The following VAX2 variants were observed in gnomAD, a reference collection of about 807,000 sequenced individuals.
VAX2 encodes ventral anterior homeobox 2.
A neutral mutation model predicts 12.5 loss-of-function variants in VAX2; 8 were observed. The observed-to-expected ratio is 0.64, with a 90% confidence interval of 0.37 to 1.15. The LOEUF (loss-of-function observed/expected upper bound fraction) is 1.15. VAX2 is among the 50% of genes most tolerant of loss of function. The pLI, the probability that VAX2 is intolerant of heterozygous loss-of-function variation, is 0.01. For missense variants in VAX2, 476 were observed against 412.9 expected (o/e 1.15, Z -1.32); for synonymous variants, 183 against 187.6 (o/e 0.98, Z 0.20).
rs1678906286 is a variant in VAX2 at position 70,900,845 on chromosome 2, A to G, written c.224A>G (p.His75Arg). 2 of 1,445,592 alleles carry G rather than the reference A, an allele frequency of 1.4e-6. No individual in the cohort carries two copies. The highest frequency in any genetic ancestry group is 1.8e-6 in the Non-Finnish European group (2 of 1,097,146). 89.5% of individuals were successfully genotyped at this position (1,445,592 alleles called of 1,614,324 possible). A position where few individuals can be genotyped will look rare whatever the true frequency, so the allele number is the denominator to read the frequency against. ...DGQPGPGEAD[H>R]CRRILVRDAK... Reference sequence around the variant, plus strand: ...CAGCCCGGGCCCGGCGAGGCAGACCACTGCCGCCGCATACTGGTGCGAGGT... The same window carrying G: ...CAGCCCGGGCCCGGCGAGGCAGACCGCTGCCGCCGCATACTGGTGCGAGGT... The change falls in exon 1 of 3, where the codon CAC becomes CGC. Residue 75 changes from histidine to arginine, a missense_variant. Transcript: ENST00000234392.
chr2:70,919,231 A>G (rs1679391861), intron 1 of VAX2, among the ~76,000 whole-genome samples: 1 of 113,592 alleles, frequency 8.8e-6, no homozygotes, highest in Admixed American at 9.2e-5. Flanking sequence ...GTGTCTCCAC[A>G]AAAAAAAAAA....
chr2:70,920,898 AC>A (rs1392575250), intron 1 of VAX2, among the ~76,000 whole-genome samples, 199 bp from the exon 2 acceptor site: 1 of 152,024 alleles, frequency 6.6e-6, no homozygotes, highest in Non-Finnish European at 1.5e-5. Context: ...ACATTTAGCC[AC>A]CCATTAGATA....
chr2:70,906,328 GC>G (rs782157102), intron 1 of VAX2, among the ~76,000 whole-genome samples: 3 of 152,098 alleles, frequency 2.0e-5, no homozygotes, highest in Non-Finnish European at 2.9e-5. Flanking sequence ...AGAGGTAGCA[GC>G]CCCAGGCTTG....
At chr2:70,906,693 T>C (rs1553410636) in intron 1 of VAX2, among the ~76,000 whole-genome samples, 1 of 152,004 alleles carries the variant, frequency 6.6e-6, no homozygotes, top group East Asian at 1.9e-4. Context: ...GCGCGTTTCT[T>C]GTTCTTTAAC....
At chr2:70,927,989 T>A (rs1277158160) in intron 2 of VAX2, among the ~76,000 whole-genome samples, 1 of 152,112 alleles carries the variant, frequency 6.6e-6, no homozygotes, top group Admixed American at 6.5e-5. Flanking sequence ...CCCTGTGAAG[T>A]CGGCTAGGAA....
intron 2 of VAX2, among the ~76,000 whole-genome samples, chr2:70,932,060 C>T (rs1553414383): frequency 6.6e-6 from 1 of 152,218 alleles, no homozygotes; most frequent in Non-Finnish European, 1.5e-5. Flanking sequence ...GGGCTTAAAG[C>T]TCCCCAGGTT....
At chr2:70,901,070 C>T (rs1558650829) in intron 1 of VAX2, among the ~76,000 whole-genome samples, 1 of 152,246 alleles carries the variant, frequency 6.6e-6, no homozygotes, top group Non-Finnish European at 1.5e-5. Flanking sequence ...GCGAATGGGA[C>T]CGAAGCGGTC....
Position 70,932,826 on chromosome 2 carries a change from G to A in VAX2, c.495G>A (p.Leu165=), listed in dbSNP as rs782326829. ...TKQKKDQSRD[L]EKRASSSASE... ...AGAAGAAAGACCAGAGCAGAGACCT[G>A]GAGAAGCGGGCGTCCTCCTCAGCCT... The change falls in exon 3 of 3, where the codon CTG becomes CTA. Residue 165 remains leucine (L), a synonymous_variant. Coordinates refer to ENST00000234392, the MANE Select transcript of VAX2 (RefSeq NM_012476.3). 28 of 1,611,646 alleles carry A rather than the reference G, an allele frequency of 1.7e-5. No individual in the cohort carries two copies. Among genetic ancestry groups the A allele is most frequent in the Non-Finnish European group, 2.3e-5 (27 of 1,179,116 alleles).
chr2:70,906,027 G>C (rs1218758207), intron 1 of VAX2, among the ~76,000 whole-genome samples: 7 of 152,158 alleles, frequency 4.6e-5, no homozygotes, highest in Non-Finnish European at 8.8e-5. Context: ...TTTGCTCCTT[G>C]CTTAATATAA....
chr2:70,900,605 T>G lies in VAX2; in HGVS notation c.-17T>G. On this transcript the variant is annotated 5_prime_UTR_variant, in exon 1 of 3. Transcript: ENST00000234392. ...TAGGCTGGCTCCGCCGTAGAGGGGT[T>G]GGCAGTGGCGGTCAGCATGGGCGAT... The G allele has an allele frequency of 7.9e-7, 1 of 1,257,958 alleles. No homozygotes were observed. Among genetic ancestry groups the G allele is most frequent in the Non-Finnish European group, 1.0e-6 (1 of 1,001,698 alleles). The allele number at this position is 1,257,958 out of a possible 1,614,324, so 77.9% of individuals were successfully genotyped here.
chr2:70,930,863 C>T (rs1025685376), intron 2 of VAX2, among the ~76,000 whole-genome samples: 3 of 152,092 alleles, frequency 2.0e-5, no homozygotes, highest in African/African-American at 2.4e-5. Context: ...CTCCCCTCCA[C>T]GGTTCTCACC....
chr2:70,911,097 C>T (rs1679172023), intron 1 of VAX2, among the ~76,000 whole-genome samples: 1 of 152,138 alleles, frequency 6.6e-6, no homozygotes, highest in South Asian at 2.1e-4. Flanking sequence ...TCGGTTTCCA[C>T]TCCTCAGAGG....
At position 70,904,132 on chromosome 2, in the gene VAX2, C is replaced by G. The variant is rs553239804; in HGVS notation, c.247+3264C>G. On this transcript the variant is annotated intron_variant, in intron 1 of 2. Coordinates refer to ENST00000234392, the MANE Select transcript of VAX2 (RefSeq NM_012476.3). This position sits in a 1 kb window ranked among gnomAD's most constrained non-coding sequence, Gnocchi z 4.2. ...GACGCAGCGATCCTCCCATTTGTAC[C>G]CTAAGGCCTGAGAAGGCCGCTCCAC... Among the ~76,000 whole-genome samples, 6 of 152,374 alleles carry G rather than the reference C, an allele frequency of 3.9e-5. No homozygotes were observed. In the East Asian group the frequency reaches 7.7e-4, roughly 20 times the overall value.
intron 1 of VAX2, among the ~76,000 whole-genome samples, chr2:70,913,887 A>G (rs909637626): frequency 1.3e-5 from 2 of 152,186 alleles, no homozygotes; most frequent in Non-Finnish European, 2.9e-5. Flanking sequence ...GTTTTAATCT[A>G]CATAAATGAG....
chr2:70,924,721 T>C (rs1270034160), intron 2 of VAX2, among the ~76,000 whole-genome samples: 1 of 152,104 alleles, frequency 6.6e-6, no homozygotes, highest in African/African-American at 2.4e-5. Context: ...ACCCATAATT[T>C]TGTTCAAAAA....
At chr2:70,931,435 T>G (rs1679691473) in intron 2 of VAX2, among the ~76,000 whole-genome samples, 1 of 152,162 alleles carries the variant, frequency 6.6e-6, no homozygotes, top group Admixed American at 6.5e-5. Context: ...TGCTAAAAAC[T>G]TCAAACCGGG....
At chr2:70,916,799 T>G (rs2104771050) in intron 1 of VAX2, among the ~76,000 whole-genome samples, 1 of 152,296 alleles carries the variant, frequency 6.6e-6, no homozygotes. Flanking sequence ...ATTAGGGGGC[T>G]ATTACAAATA....
chr2:70,909,822 G>A (rs1344146632), intron 1 of VAX2, among the ~76,000 whole-genome samples: 1 of 152,018 alleles, frequency 6.6e-6, no homozygotes, highest in Non-Finnish European at 1.5e-5. Context: ...TATTTAGGTT[G>A]GTTGTACTTT....
At position 70,900,736 on chromosome 2, in the gene VAX2, G is replaced by A. The variant is rs782357944; in HGVS notation, c.115G>A (p.Gly39Ser). ...AGCGGGGGACTTGCGAGCTGATGGC[G>A]GTGGCCACAGCCCAACGGAGGTGGC... The part of the protein sequence containing the change: ...SGAGDLRADG[G>S]GHSPTEVAGT... The change falls in exon 1 of 3, where the codon GGT becomes AGT. Residue 39 changes from glycine to serine, a missense_variant. Coordinates refer to ENST00000234392, the MANE Select transcript of VAX2 (RefSeq NM_012476.3). 46 of 1,430,738 alleles carry A rather than the reference G, an allele frequency of 3.2e-5. No homozygotes were observed. Among genetic ancestry groups the A allele is most frequent in the Non-Finnish European group, 4.1e-5 (44 of 1,086,246 alleles). 88.6% of individuals were successfully genotyped at this position (1,430,738 alleles called of 1,614,324 possible). A position where few individuals can be genotyped will look rare whatever the true frequency, so the allele number is the denominator to read the frequency against.
Sources: allele counts gnomAD v4.1 joint callset (sites outside exome capture counted in the v4.1 genomes callset), GRCh38; gene constraint gnomAD v4.1.1; non-coding constraint Gnocchi (gnomAD v3.1); transcripts MANE v1.5; gene names NCBI Gene and HGNC (gene_info 2026-07-23, HGNC 2026-07-21).